Variants in ADCY2 observed in about 807,000 individuals in gnomAD.
The protein encoded by ADCY2 is adenylate cyclase type 2.
In ADCY2, 31 loss-of-function variants were observed where a neutral mutation model predicts 125.2. The ratio of observed to expected loss-of-function variants is 0.25; its 90% confidence interval spans 0.19 to 0.33. ADCY2 has a LOEUF of 0.33. Among genes scored for constraint, ADCY2 ranks in the 10% least tolerant of loss-of-function variants. The pLI is 1.00. For missense variants in ADCY2, 904 were observed against 1,418.2 expected (o/e 0.64, Z 5.82); for synonymous variants, 512 against 548.4 (o/e 0.93, Z 0.93).
At chr5:7,704,941 T>TA (rs1009616169) in intron 7 of ADCY2, among the ~76,000 whole-genome samples, 2 of 152,106 alleles carry the variant, frequency 1.3e-5, no homozygotes, top group African/African-American at 4.8e-5. Context: ...ACTCATTTTT[T>TA]AAAAAAGACA....
At chr5:7,492,300 C>G (rs1275313204) in intron 2 of ADCY2, among the ~76,000 whole-genome samples, 1 of 152,182 alleles carries the variant, frequency 6.6e-6, no homozygotes, top group Non-Finnish European at 1.5e-5. Flanking sequence ...TTGTAAAGAC[C>G]TGTAGTGTCA....
chr5:7,816,150 G>T (rs902683743), intron 22 of ADCY2, among the ~76,000 whole-genome samples: 1 of 152,200 alleles, frequency 6.6e-6, no homozygotes, highest in African/African-American at 2.4e-5. Context: ...AGAGACTGGG[G>T]TTAGGACTTT....
At chr5:7,683,403 T>C (rs947901446) in intron 4 of ADCY2, among the ~76,000 whole-genome samples, 7 of 152,198 alleles carry the variant, frequency 4.6e-5, no homozygotes, top group Non-Finnish European at 8.8e-5. Context: ...GGGTAAGCGG[T>C]GATAAAAATG....
At chr5:7,454,195 C>A (rs1741580758) in intron 2 of ADCY2, among the ~76,000 whole-genome samples, 1 of 152,156 alleles carries the variant, frequency 6.6e-6, no homozygotes, top group Non-Finnish European at 1.5e-5. Context: ...TGAGGCAAGA[C>A]CTTTCATCAG....
intron 3 of ADCY2, among the ~76,000 whole-genome samples, chr5:7,559,541 G>T (rs1735639619): frequency 6.6e-6 from 1 of 152,194 alleles, no homozygotes; most frequent in African/African-American, 2.4e-5. Context: ...CTGAGACTTT[G>T]CTGAAGTTAT....
intron 2 of ADCY2, among the ~76,000 whole-genome samples, chr5:7,431,617 T>G (rs1233164193): frequency 1.3e-5 from 2 of 151,938 alleles, no homozygotes; most frequent in Non-Finnish European, 2.9e-5. Context: ...AGGGCATTGT[T>G]ATGAAAATGA....
At position 7,727,226 on chromosome 5, in the gene ADCY2, C is replaced by T. The variant is rs1052550284; in HGVS notation, c.1836C>T (p.Phe612=). 6 of 1,614,176 alleles carry T rather than the reference C, an allele frequency of 3.7e-6. No individual in the cohort carries two copies. The highest frequency in any genetic ancestry group is 5.1e-6 in the Non-Finnish European group (6 of 1,180,018). ...YYVTCACLIF[F]CIFIVQILVL... Reference sequence around the variant, plus strand: ...TGACTTGTGCCTGTCTCATATTCTTCTGCATCTTCATTGTGCAGATTCTCG... The same window carrying T: ...TGACTTGTGCCTGTCTCATATTCTTTTGCATCTTCATTGTGCAGATTCTCG... Residue 612 remains phenylalanine (F), a synonymous_variant, in exon 14 of 25, where the codon TTC becomes TTT. Transcript: ENST00000338316.
intron 3 of ADCY2, among the ~76,000 whole-genome samples, chr5:7,545,209 C>T (rs1439362248): frequency 6.6e-6 from 1 of 152,192 alleles, no homozygotes; most frequent in Admixed American, 6.5e-5. Context: ...GGATCTTGGG[C>T]ACCATCCAGG....
intron 18 of ADCY2, among the ~76,000 whole-genome samples, chr5:7,782,984 C>T (rs986094200): frequency 4.6e-5 from 7 of 152,128 alleles, no homozygotes; most frequent in Admixed American, 6.5e-5. Flanking sequence ...GTTTCACGAG[C>T]TCAGATTCCT....
chr5:7,747,817 TG>T (rs1742676742), intron 15 of ADCY2, among the ~76,000 whole-genome samples: 1 of 152,242 alleles, frequency 6.6e-6, no homozygotes, highest in African/African-American at 2.4e-5. Context: ...AGCCCTATTT[TG>T]TTCATTGTAC....
At chr5:7,792,966 G>T (rs1010797011) in intron 20 of ADCY2, among the ~76,000 whole-genome samples, 1 of 152,182 alleles carries the variant, frequency 6.6e-6, no homozygotes, top group Non-Finnish European at 1.5e-5. Context: ...CCACACAGGT[G>T]GGATACGCAT....
At chr5:7,524,326 A>G (rs1228315789) in intron 3 of ADCY2, among the ~76,000 whole-genome samples, 2 of 152,164 alleles carry the variant, frequency 1.3e-5, no homozygotes, top group Non-Finnish European at 2.9e-5. Flanking sequence ...TGCCAATCTG[A>G]TGCCCCACCA....
intron 18 of ADCY2, among the ~76,000 whole-genome samples, chr5:7,783,572 G>T (rs1467708975): frequency 6.6e-6 from 1 of 152,150 alleles, no homozygotes; most frequent in Non-Finnish European, 1.5e-5. Flanking sequence ...AGCAGAAAGT[G>T]ATGACCTGCT....
At chr5:7,451,664 A>C (rs1011836535) in intron 2 of ADCY2, among the ~76,000 whole-genome samples, 1 of 152,238 alleles carries the variant, frequency 6.6e-6, no homozygotes, top group Non-Finnish European at 1.5e-5. Flanking sequence ...AAAATGCTAC[A>C]AATTAGTATC....
At chr5:7,813,036 C>T (rs1180922840) in intron 22 of ADCY2, among the ~76,000 whole-genome samples, 1 of 152,226 alleles carries the variant, frequency 6.6e-6, no homozygotes, top group African/African-American at 2.4e-5. Flanking sequence ...TGGAGCTGAA[C>T]CTATTTTTGC....
In ADCY2 at chr5:7,414,738, T is replaced by A; in HGVS notation, c.376T>A (p.Cys126Ser). 2 of 1,613,152 alleles carry A rather than the reference T, an allele frequency of 1.2e-6. No homozygotes were observed. Among genetic ancestry groups the A allele is most frequent in the Non-Finnish European group, 1.7e-6 (2 of 1,179,790 alleles). ...TGTTGCCATGGGATACCTGTTCATG[T>A]GTTTTGGAGGCACCGTCTCTCCCTG... ...CLVAMGYLFM[C>S]FGGTVSPWDQ... Residue 126 changes from cysteine (C) to serine (S), a missense_variant, in exon 2 of 25, where the codon TGT becomes AGT. Cys to Ser is a moderately radical substitution (Grantham distance 112). Transcript: ENST00000338316.
At chr5:7,507,116 T>C (rs1470048639) in intron 2 of ADCY2, among the ~76,000 whole-genome samples, 2 of 151,394 alleles carry the variant, frequency 1.3e-5, no homozygotes, top group African/African-American at 4.9e-5. Context: ...GTTCTTCCAG[T>C]GCACATCGAA....
chr5:7,582,831 A>G (rs1210449408), intron 3 of ADCY2, among the ~76,000 whole-genome samples: 1 of 152,116 alleles, frequency 6.6e-6, no homozygotes, highest in Admixed American at 6.6e-5. Context: ...AGGAACTTCT[A>G]TTTAATATTT....
At chr5:7,774,716 C>T (rs771683214) in intron 18 of ADCY2, among the ~76,000 whole-genome samples, 1 of 152,238 alleles carries the variant, frequency 6.6e-6, no homozygotes, top group African/African-American at 2.4e-5. Flanking sequence ...TATTTGCGCT[C>T]GGTTTGTCTT....
Sources: allele counts gnomAD v4.1 joint callset (sites outside exome capture counted in the v4.1 genomes callset), GRCh38; gene constraint gnomAD v4.1.1; transcripts MANE v1.5; gene names NCBI Gene and HGNC (gene_info 2026-07-23, HGNC 2026-07-21).